The following RBPMS2 variants were observed in gnomAD, a reference collection of about 807,000 sequenced individuals.
RBPMS2 encodes the protein RNA-binding protein with multiple splicing 2.
RBPMS2 carries 14 observed loss-of-function variants against 25.7 expected under a neutral mutation model. That is an observed-to-expected ratio of 0.55 (90% CI 0.36 to 0.85). RBPMS2 has a LOEUF of 0.85. RBPMS2 is among the 40% of genes least tolerant of loss of function. The probability of loss-of-function intolerance (pLI) is 0.01; values close to 1 mark genes in which losing one functional copy is unlikely to be tolerated. For synonymous variants in RBPMS2, 127 were observed against 115.6 expected (o/e 1.10, Z -0.63); for missense variants, 252 against 283.4 (o/e 0.89, Z 0.80).
Position 64,749,077 on chromosome 15 carries a change from T to G in RBPMS2, c.341A>C (p.Lys114Thr). 6.2e-7 allele frequency: 1 copy of G among 1,614,196 alleles called. No homozygotes were observed. The highest frequency in any genetic ancestry group is 1.7e-5 in the Admixed American group (1 of 60,034). The change falls in exon 5 of 8, where the codon AAG (lysine) becomes ACG (threonine). Residue 114 changes from lysine to threonine, a missense_variant. Coordinates refer to ENST00000300069, the MANE Select transcript of RBPMS2 (RefSeq NM_194272.3). ...EFAKANTKMA[K>T]SKLMATPNPS... ...ATTTGGAGTTGCCATTAGCTTGCTCTTGGCCATCTTGGTGTTGGCTTTGGC... is the reference window on the plus strand; with the variant it reads ...ATTTGGAGTTGCCATTAGCTTGCTCGTGGCCATCTTGGTGTTGGCTTTGGC...
At chr15:64,772,538 CATT>C (rs2083899678) in intron 1 of RBPMS2, among the ~76,000 whole-genome samples, 1 of 152,216 alleles carries the variant, frequency 6.6e-6, no homozygotes, top group South Asian at 2.1e-4. Flanking sequence ...TCCAAACTCT[CATT>C]ATGGCTGCAC....
At chr15:64,769,064 G>A (rs1240280605) in intron 1 of RBPMS2, among the ~76,000 whole-genome samples, 2 of 124,730 alleles carry the variant, frequency 1.6e-5, no homozygotes, top group African/African-American at 6.5e-5. Context: ...TCGTGCCACT[G>A]CACTCCAGCC....
At position 64,741,206 on chromosome 15, in the gene RBPMS2, C is replaced by A. The variant is rs2083558974; in HGVS notation, c.604G>T (p.Gly202Ter). ...WYPSSDTTQQ[G>*]WKYRQFC ...TAACAGAACTGACGGTACTTCCATC[C>A]TTGCTGGGTGGTGTCAGAGGAAGGG... Residue 202 changes from glycine (G) to a stop codon, truncating the protein, a stop_gained, in exon 7 of 8, where the codon GGA becomes TGA. Coordinates refer to ENST00000300069, the MANE Select transcript of RBPMS2 (RefSeq NM_194272.3). LOFTEE classifies it high-confidence loss of function. 2 of 1,591,088 alleles carry A rather than the reference C, an allele frequency of 1.3e-6. No individual in the cohort carries two copies. The highest frequency in any genetic ancestry group is 2.3e-5 in the East Asian group (1 of 43,910).
Position 64,741,314 on chromosome 15 carries a change from C to T in RBPMS2, c.568-72G>A, listed in dbSNP as rs752699888. 249 of 1,221,714 alleles carry T rather than the reference C, an allele frequency of 2.0e-4. 1 individual carries two copies. Among genetic ancestry groups the T allele is most frequent in the Middle Eastern group, 5.6e-4 (3 of 5,354 alleles). The allele number at this position is 1,221,714 out of a possible 1,614,324, so 75.7% of individuals were successfully genotyped here. ...CAACAGGAAGCCAGGTAACCATGGC[C>T]ATCGGTGTCCCCGCTGGAGTCCTGG... is the stretch of plus-strand genomic sequence containing the variant. On this transcript the variant is annotated intron_variant, in intron 6 of 7. Transcript: ENST00000300069.
intron 1 of RBPMS2, among the ~76,000 whole-genome samples, chr15:64,765,742 G>C (rs959986483): frequency 2.6e-5 from 4 of 152,096 alleles, no homozygotes; most frequent in African/African-American, 7.2e-5. Flanking sequence ...TCAGGAGTTC[G>C]AGACCACCCT....
chr15:64,748,476 G>C lies in RBPMS2; in HGVS notation c.510C>G (p.Ser170=). 1 of 1,614,124 alleles carries C rather than the reference G, an allele frequency of 6.2e-7. No individual in the cohort carries two copies. Among genetic ancestry groups the C allele is most frequent in the Non-Finnish European group, 8.5e-7 (1 of 1,179,994 alleles). The stretch of plus-strand genomic sequence containing the variant: ...CAGTTGGGTAGGTGAACGCAGCATG[G>C]GAGATGGCTGGGGTCAGCTCTGTGG... ...LYTTELTPAI[S]HAAFTYPTAT... The change falls in exon 6 of 8, where the codon TCC becomes TCG. Residue 170 remains serine (S), a synonymous_variant. Transcript: ENST00000300069.
rs186390294 is a variant in RBPMS2, at chr15:64,740,710, C to T, written c.*298G>A. The T allele has an allele frequency of 0.013, 2,003 of 158,752 alleles. 130 individuals carry two copies. Among genetic ancestry groups the T allele is most frequent in the Admixed American group, 0.11 (1,849 of 16,552 alleles). 9.8% of individuals were successfully genotyped at this position (158,752 alleles called of 1,614,324 possible). A position where few individuals can be genotyped will look rare whatever the true frequency, so the allele number is the denominator to read the frequency against. On this transcript the variant is annotated 3_prime_UTR_variant, in exon 8 of 8. Transcript: ENST00000300069. Reference sequence around the variant, plus strand: ...GGGGAGCTACAGAAGCAAGTTTGGGCGGGAGGTCAGGCCTTGCCAGGTCCC... The same window carrying T: ...GGGGAGCTACAGAAGCAAGTTTGGGTGGGAGGTCAGGCCTTGCCAGGTCCC...
chr15:64,744,896 C>G (rs75411370), intron 6 of RBPMS2, among the ~76,000 whole-genome samples: 8 of 141,732 alleles, frequency 5.6e-5, no homozygotes, highest in Non-Finnish European at 1.1e-4. Context: ...CTCACTGCAA[C>G]CTCTGCCTCC....
chr15:64,760,019 T>A (rs924745785), intron 1 of RBPMS2, among the ~76,000 whole-genome samples: 9 of 152,208 alleles, frequency 5.9e-5, no homozygotes, highest in African/African-American at 2.2e-4. Flanking sequence ...CTCTTGGCCC[T>A]GGACACTGCC....
At chr15:64,745,452 G>A (rs1203211158) in intron 6 of RBPMS2, among the ~76,000 whole-genome samples, 3 of 152,146 alleles carry the variant, frequency 2.0e-5, no homozygotes, top group Admixed American at 6.5e-5. Context: ...ATACAGATAA[G>A]AAAATAGAGG....
At chr15:64,745,737 A>C (rs1199309030) in intron 6 of RBPMS2, among the ~76,000 whole-genome samples, 1 of 152,190 alleles carries the variant, frequency 6.6e-6, no homozygotes, top group Non-Finnish European at 1.5e-5. Context: ...AAGGCCAGGC[A>C]AGGTAGCCTC....
At chr15:64,743,949 T>C (rs566202533) in intron 6 of RBPMS2, among the ~76,000 whole-genome samples, 10 of 151,498 alleles carry the variant, frequency 6.6e-5, no homozygotes, top group African/African-American at 2.4e-4. Flanking sequence ...TGCAAAAAAA[T>C]ACAAAAATTA....
chr15:64,765,742 G>A lies in RBPMS2; in HGVS notation c.87+9491C>T, dbSNP rs959986483. Among the ~76,000 whole-genome samples, 49 of 152,216 alleles carry A rather than the reference G, an allele frequency of 3.2e-4. 1 individual carries two copies. The highest frequency in any genetic ancestry group is 6.8e-3 in the Middle Eastern group (2 of 294). On this transcript the variant is annotated intron_variant, in intron 1 of 7. Transcript: ENST00000300069. ...GGGCGGATTACGAGGTCAGGAGTTC[G>A]AGACCACCCTGGCCAACATGGCGAA...
chr15:64,761,709 T>TA (rs997720269), intron 1 of RBPMS2, among the ~76,000 whole-genome samples: 6 of 145,562 alleles, frequency 4.1e-5, no homozygotes, highest in African/African-American at 1.5e-4. Flanking sequence ...TTTTTTTTTT[T>TA]TTTTTTTTTT....
At chr15:64,757,810 T>TCC (rs35092283) in intron 1 of RBPMS2, among the ~76,000 whole-genome samples, 120 of 151,188 alleles carry the variant, frequency 7.9e-4, no homozygotes, top group East Asian at 1.8e-3. Context: ...CAAGGCCCTA[T>TCC]CCCCCCCCAC....
rs1344826357 is a variant in RBPMS2 at position 64,748,538 on chromosome 15, C to T, written c.448G>A (p.Ala150Thr). The T allele has an allele frequency of 6.2e-7, 1 of 1,600,376 alleles. No individual in the cohort carries two copies. Among genetic ancestry groups the T allele is most frequent in the South Asian group, 1.1e-5 (1 of 89,356 alleles). Residue 150 changes from alanine (A) to threonine (T), a missense_variant, in exon 6 of 8, where the codon GCA becomes ACA. Coordinates refer to ENST00000300069, the MANE Select transcript of RBPMS2 (RefSeq NM_194272.3). ...TAGGGGGCCCAGGCCTCTGGGGATGCAGGGATCAGAGCAGCCCCCATCAGG... is the reference window on the plus strand; with the variant it reads ...TAGGGGGCCCAGGCCTCTGGGGATGTAGGGATCAGAGCAGCCCCCATCAGG... The part of the protein sequence containing the change: ...YDLMGAALIP[A>T]SPEAWAPYPL...
chr15:64,741,418 G>A (rs2083561517), intron 6 of RBPMS2, among the ~76,000 whole-genome samples, 176 bp from the exon 7 acceptor site: 1 of 152,214 alleles, frequency 6.6e-6, no homozygotes, highest in Admixed American at 6.5e-5. Flanking sequence ...GCAAGTGGGA[G>A]TGCACTGCCT....
At position 64,751,568 on chromosome 15, in the gene RBPMS2, G is replaced by A; in HGVS notation, c.158C>T (p.Pro53Leu). 1.2e-6 allele frequency: 2 copies of A among 1,613,720 alleles called. No homozygotes were observed. Among genetic ancestry groups the A allele is most frequent in the Non-Finnish European group, 8.5e-7 (1 of 1,179,800 alleles). Residue 53 changes from proline to leucine, a missense_variant, in exon 2 of 8, where the codon CCG becomes CTG. By Grantham distance (98) the Pro-to-Leu change is moderately conservative. Coordinates refer to ENST00000300069, the MANE Select transcript of RBPMS2 (RefSeq NM_194272.3). Reference protein sequence around the residue: ...KPRELYLLFRPFKGYEGSLIK... With the variant: ...KPRELYLLFRLFKGYEGSLIK... Reference sequence around the variant, plus strand: ...GGCTGGGTCCTGACTCACCTTGAACGGCCGGAAGAGCAAGTAGAGTTCTCT... The same window carrying A: ...GGCTGGGTCCTGACTCACCTTGAACAGCCGGAAGAGCAAGTAGAGTTCTCT...
chr15:64,765,065 A>T (rs1270888615), intron 1 of RBPMS2, among the ~76,000 whole-genome samples: 2 of 151,550 alleles, frequency 1.3e-5, no homozygotes, highest in African/African-American at 2.4e-5. Flanking sequence ...TCTCTACTAA[A>T]AATACAAAAA....
Sources: gnomAD v4.1 joint callset for allele counts (sites outside exome capture counted in the v4.1 genomes callset) on GRCh38, gnomAD v4.1.1 for gene constraint, MANE v1.5 for transcripts, NCBI Gene and HGNC (gene_info 2026-07-23, HGNC 2026-07-21) for gene names.